FAM107B: variants seen among roughly 807,000 people sequenced by gnomAD.
The protein encoded by FAM107B is family with sequence similarity 107 member B, also known as protein FAM107B.
FAM107B carries 21 observed loss-of-function variants against 31.5 expected under a neutral mutation model. The ratio of observed to expected loss-of-function variants is 0.67; its 90% CI spans 0.47 to 0.96. The LOEUF is 0.96. FAM107B is among the 40% of genes least tolerant of loss of function. The pLI is 0.00. For missense variants in FAM107B, 452 were observed against 377.1 expected (o/e 1.20, Z -1.64); for synonymous variants, 157 against 141.5 (o/e 1.11, Z -0.78).
chr10:14,691,908 A>ATT (rs1358011849), intron 1 of FAM107B, among the ~76,000 whole-genome samples: 3 of 151,716 alleles, frequency 2.0e-5, no homozygotes, highest in Non-Finnish European at 4.4e-5. Flanking sequence ...AAAAAAAAAA[A>ATT]AAATTAAACT....
intron 2 of FAM107B, among the ~76,000 whole-genome samples, chr10:14,595,422 C>CTTTTTTTTTTT: frequency 2.0e-5 from 2 of 98,148 alleles, no homozygotes; most frequent in Non-Finnish European, 3.9e-5. Context: ...CTAGGGCAAC[C>CTTTTTTTTTTT]TTTTTTTTTT....
chr10:14,601,296 T>C (rs1264205051), intron 2 of FAM107B, among the ~76,000 whole-genome samples: 1 of 152,126 alleles, frequency 6.6e-6, no homozygotes, highest in Non-Finnish European at 1.5e-5. Context: ...GTACCGGAAT[T>C]AGGGATATGA....
chr10:14,522,465 G>A (rs1588457533), intron 3 of FAM107B, among the ~76,000 whole-genome samples: 3 of 151,442 alleles, frequency 2.0e-5, no homozygotes, highest in African/African-American at 7.3e-5. Flanking sequence ...CCAGGCTGGA[G>A]TGCAGTGGCA....
intron 2 of FAM107B, among the ~76,000 whole-genome samples, chr10:14,665,020 G>A (rs554539922): frequency 3.6e-4 from 55 of 152,222 alleles, no homozygotes; most frequent in East Asian, 3.9e-4. Context: ...CAAAGTCTGC[G>A]GACCCAAGCA....
intron 1 of FAM107B, among the ~76,000 whole-genome samples, chr10:14,680,825 T>A (rs11259267): frequency 1.3e-5 from 2 of 152,100 alleles, no homozygotes; most frequent in Non-Finnish European, 2.9e-5. Context: ...CAAGACTTCA[T>A]TGGAGCCCAG....
intron 2 of FAM107B, among the ~76,000 whole-genome samples, chr10:14,665,355 A>G (rs1380077334): frequency 1.3e-5 from 2 of 152,160 alleles, no homozygotes; most frequent in Non-Finnish European, 2.9e-5. Context: ...TCAGAATGGG[A>G]TGTCTAATTT....
At chr10:14,545,006 A>G (rs1043428119) in intron 2 of FAM107B, among the ~76,000 whole-genome samples, 25 of 152,180 alleles carry the variant, frequency 1.6e-4, no homozygotes, top group African/African-American at 6.0e-4. Flanking sequence ...TTAAATGCAA[A>G]TATCGGAGAT....
At chr10:14,717,749 C>G (rs564975696) in intron 1 of FAM107B, among the ~76,000 whole-genome samples, 60 of 70,914 alleles carry the variant, frequency 8.5e-4, no homozygotes, top group African/African-American at 5.4e-3. Flanking sequence ...TCTGGCAACC[C>G]CCTCCCAGAC....
chr10:14,566,092 C>G (rs1341899245), intron 2 of FAM107B, among the ~76,000 whole-genome samples: 1 of 152,154 alleles, frequency 6.6e-6, no homozygotes, highest in East Asian at 1.9e-4. Flanking sequence ...AATTTTTGAA[C>G]AAAGAACCCT....
In FAM107B at chr10:14,521,062, C is replaced by A; in HGVS notation, c.*128G>T. 1 of 762,326 alleles carries A rather than the reference C, an allele frequency of 1.3e-6. No individual in the cohort carries two copies. Among genetic ancestry groups the A allele is most frequent in the Non-Finnish European group, 2.2e-6 (1 of 458,924 alleles). The allele number at this position is 762,326 out of a possible 1,614,324, so 47.2% of individuals were successfully genotyped here. On this transcript the variant is annotated 3_prime_UTR_variant, in exon 5 of 5. Transcript: ENST00000181796. ...CACCCAGATCGTAGGAAAATCAAAC[C>A]AAATCCTACTGCAAGTCAAAATTCT...
intron 1 of FAM107B, among the ~76,000 whole-genome samples, chr10:14,705,424 C>G (rs1243249502): frequency 6.6e-6 from 1 of 152,138 alleles, no homozygotes; most frequent in East Asian, 1.9e-4. Flanking sequence ...ATGCTCCTAG[C>G]AGCATTGTCT....
intron 2 of FAM107B, among the ~76,000 whole-genome samples, chr10:14,561,431 A>G (rs1322953908): frequency 6.6e-6 from 1 of 152,238 alleles, no homozygotes; most frequent in East Asian, 1.9e-4. Flanking sequence ...TGAGGGACAT[A>G]GCCAAGGGCT....
At chr10:14,688,226 G>C (rs1432941075) in intron 1 of FAM107B, among the ~76,000 whole-genome samples, 1 of 152,200 alleles carries the variant, frequency 6.6e-6, no homozygotes, top group Non-Finnish European at 1.5e-5. Flanking sequence ...TTTGCCAGGG[G>C]CTCTCGGGCC....
chr10:14,559,504 C>T (rs1850045835), intron 2 of FAM107B, among the ~76,000 whole-genome samples: 1 of 151,388 alleles, frequency 6.6e-6, no homozygotes, highest in African/African-American at 2.4e-5. Context: ...TGAAAAGGGT[C>T]CCCTAAGCAA....
At chr10:14,663,714 T>G (rs1218404502) in intron 2 of FAM107B, among the ~76,000 whole-genome samples, 2 of 152,012 alleles carry the variant, frequency 1.3e-5, no homozygotes, top group African/African-American at 4.8e-5. Context: ...AAGAAAGGCC[T>G]CCAATGTATA....
intron 1 of FAM107B, among the ~76,000 whole-genome samples, chr10:14,750,497 A>G (rs1832806087): frequency 6.6e-6 from 1 of 152,162 alleles, no homozygotes; most frequent in Non-Finnish European, 1.5e-5. Context: ...CTGTAATCCC[A>G]GCTACTCGGG....
At chr10:14,550,432 C>T (rs1849149626) in intron 2 of FAM107B, among the ~76,000 whole-genome samples, 1 of 152,174 alleles carries the variant, frequency 6.6e-6, no homozygotes, top group East Asian at 1.9e-4. Context: ...CTCACTCTGG[C>T]AATTCATTGC....
chr10:14,637,791 C>T (rs562541170), intron 2 of FAM107B, among the ~76,000 whole-genome samples: 1 of 152,092 alleles, frequency 6.6e-6, no homozygotes, highest in Non-Finnish European at 1.5e-5. Context: ...GCCCATGTGG[C>T]ACTAAGGGTG....
intron 2 of FAM107B, among the ~76,000 whole-genome samples, chr10:14,549,855 G>A (rs1849090590): frequency 6.6e-6 from 1 of 152,190 alleles, no homozygotes; most frequent in Admixed American, 6.5e-5. Flanking sequence ...AAAGCTGAAT[G>A]GGAAAATGAC....
Sources: gnomAD v4.1 joint callset for allele counts (sites outside exome capture counted in the v4.1 genomes callset) on GRCh38, gnomAD v4.1.1 for gene constraint, MANE v1.5 for transcripts, NCBI Gene and HGNC (gene_info 2026-07-23, HGNC 2026-07-21) for gene names.